Variants in FRAS1 observed in about 807,000 individuals in gnomAD.
The protein encoded by FRAS1 is extracellular matrix organizing protein FRAS1.
A neutral mutation model predicts 435.2 loss-of-function variants in FRAS1; 290 were observed. The observed-to-expected ratio is 0.67, with a 90% CI of 0.61 to 0.73. The LOEUF is 0.73. Ranked by LOEUF, FRAS1 falls within the 30% of genes least tolerant of loss-of-function variation. The pLI, the probability that FRAS1 is intolerant of heterozygous loss-of-function variation, is 0.00. For missense variants in FRAS1, 4,860 were observed against 5,001.5 expected, an observed-to-expected ratio of 0.97 and a Z score of 0.85; for synonymous variants, 1,800 against 1,851.0, an observed-to-expected ratio of 0.97 and a Z score of 0.71.
At chr4:78,226,116 A>G (rs1724258273) in intron 2 of FRAS1, among the ~76,000 whole-genome samples, 1 of 152,082 alleles carries the variant, frequency 6.6e-6, no homozygotes, top group African/African-American at 2.4e-5. Context: ...CATTGTATTT[A>G]CCTCTTCTCA....
At chr4:78,116,837 G>A (rs920918471) in intron 2 of FRAS1, among the ~76,000 whole-genome samples, 31 of 152,116 alleles carry the variant, frequency 2.0e-4, no homozygotes, top group Non-Finnish European at 4.0e-4. Flanking sequence ...TACATTTAAG[G>A]TTAATTTTGT....
intron 2 of FRAS1, among the ~76,000 whole-genome samples, chr4:78,087,993 T>G (rs1280527765): frequency 3.9e-5 from 6 of 151,918 alleles, no homozygotes; most frequent in Non-Finnish European, 7.4e-5. Context: ...AAAGAACAAA[T>G]CTGGAGGCAT....
intron 2 of FRAS1, among the ~76,000 whole-genome samples, chr4:78,072,602 C>G (rs777270783): frequency 3.9e-5 from 6 of 152,036 alleles, no homozygotes; most frequent in Non-Finnish European, 7.4e-5. Flanking sequence ...ATCAGCCATT[C>G]CTTAATTTCC....
chr4:78,325,565 G>C (rs1729686372), intron 18 of FRAS1, among the ~76,000 whole-genome samples: 1 of 152,172 alleles, frequency 6.6e-6, no homozygotes, highest in Admixed American at 6.5e-5. Flanking sequence ...GTACAAATAG[G>C]TGCCTTCTGG....
At chr4:78,116,133 A>C (rs1202443924) in intron 2 of FRAS1, among the ~76,000 whole-genome samples, 1 of 152,130 alleles carries the variant, frequency 6.6e-6, no homozygotes, top group African/African-American at 2.4e-5. Context: ...CATGTAGTTG[A>C]GCAGTTTTGA....
At chr4:78,124,814 G>A (rs1290014070) in intron 2 of FRAS1, among the ~76,000 whole-genome samples, 1 of 152,010 alleles carries the variant, frequency 6.6e-6, no homozygotes, top group Non-Finnish European at 1.5e-5. Flanking sequence ...TGGGATCGGT[G>A]GTGATATCCC....
intron 15 of FRAS1, 116 bp from the exon 16 acceptor site, chr4:78,315,478 A>G: frequency 9.1e-7 from 1 of 1,098,146 alleles, no homozygotes; most frequent in Non-Finnish European, 1.3e-6. Flanking sequence ...TTTGCTGAGC[A>G]GCCAGAAAAT....
chr4:78,418,006 C>A (rs767675964), intron 32 of FRAS1, among the ~76,000 whole-genome samples: 1 of 152,232 alleles, frequency 6.6e-6, no homozygotes, highest in Non-Finnish European at 1.5e-5. Flanking sequence ...CTGCTGTCCC[C>A]AACCCACCAC....
chr4:78,425,453 A>G (rs1733962221), intron 35 of FRAS1, among the ~76,000 whole-genome samples: 1 of 152,216 alleles, frequency 6.6e-6, no homozygotes, highest in South Asian at 2.1e-4. Flanking sequence ...CATAAATAGC[A>G]TCATTAAATT....
intron 2 of FRAS1, among the ~76,000 whole-genome samples, chr4:78,103,967 T>G (rs146806810): frequency 6.5e-4 from 99 of 152,360 alleles, no homozygotes; most frequent in African/African-American, 2.2e-3. Context: ...TAGCAGCACC[T>G]TCCTGCACTC....
chr4:78,117,377 C>A (rs1218648947), intron 2 of FRAS1, among the ~76,000 whole-genome samples: 1 of 152,138 alleles, frequency 6.6e-6, no homozygotes, highest in East Asian at 1.9e-4. Flanking sequence ...GAATGTTGGC[C>A]TGCCTTGCTA....
intron 18 of FRAS1, among the ~76,000 whole-genome samples, chr4:78,330,297 C>G (rs536463668): frequency 2.0e-5 from 3 of 152,280 alleles, no homozygotes; most frequent in Admixed American, 6.5e-5. Flanking sequence ...TCTCTTAATC[C>G]TGTCAGCTGA....
intron 2 of FRAS1, among the ~76,000 whole-genome samples, chr4:78,115,438 G>A (rs1418759420): frequency 6.6e-6 from 1 of 152,032 alleles, no homozygotes; most frequent in Non-Finnish European, 1.5e-5. Flanking sequence ...GGTAGAATTC[G>A]GCTGTGAATC....
At chr4:78,095,474 C>G (rs895576865) in intron 2 of FRAS1, among the ~76,000 whole-genome samples, 1 of 152,158 alleles carries the variant, frequency 6.6e-6, no homozygotes. Flanking sequence ...TATTGTGTCC[C>G]TCTGAGCCCC....
At position 78,286,531 on chromosome 4, in the gene FRAS1, C is replaced by G. The variant is rs887056108; in HGVS notation, c.1526C>G (p.Ser509Cys). The change falls in exon 14 of 74, where the codon TCC becomes TGC. Residue 509 changes from serine (S) to cysteine (C), a missense_variant. Physicochemically the swap from Ser to Cys is moderately radical, Grantham distance 112. Transcript: ENST00000512123. ...CGDGFYQDRHSCAVCHESCAG... is the reference protein window; with the variant it reads ...CGDGFYQDRHCCAVCHESCAG... ...GACGGCTTCTACCAAGATCGCCATTCCTGTGCAGGTAATCTCTGGCTGGGC... is the reference window on the plus strand; with the variant it reads ...GACGGCTTCTACCAAGATCGCCATTGCTGTGCAGGTAATCTCTGGCTGGGC... The G allele has an allele frequency of 2.5e-6, 4 of 1,612,252 alleles. No individual in the cohort carries two copies. The highest frequency in any genetic ancestry group is 3.4e-6 in the Non-Finnish European group (4 of 1,179,660).
At chr4:78,362,618 T>C (rs1351710104) in intron 20 of FRAS1, among the ~76,000 whole-genome samples, 1 of 152,226 alleles carries the variant, frequency 6.6e-6, no homozygotes, top group Non-Finnish European at 1.5e-5. Context: ...AAAGGGCTGG[T>C]GTGACAGCCT....
chr4:78,276,553 G>A (rs1462560579), intron 9 of FRAS1, among the ~76,000 whole-genome samples: 1 of 152,214 alleles, frequency 6.6e-6, no homozygotes, highest in Non-Finnish European at 1.5e-5. Context: ...TTCAGCTGCA[G>A]GTCTGTTGGA....
Position 78,541,496 on chromosome 4 carries a change from T to G in FRAS1, c.*372T>G. 1 of 160,826 alleles carries G rather than the reference T, an allele frequency of 6.2e-6. No homozygotes were observed. Among genetic ancestry groups the G allele is most frequent in the Non-Finnish European group, 1.4e-5 (1 of 74,036 alleles). The allele number at this position is 160,826 out of a possible 1,614,324, so 10.0% of individuals were successfully genotyped here. A position where few individuals can be genotyped will look rare whatever the true frequency, so the allele number is the denominator to read the frequency against. On this transcript the variant is annotated 3_prime_UTR_variant, in exon 74 of 74. Coordinates refer to ENST00000512123, the MANE Select transcript of FRAS1 (RefSeq NM_025074.7). ...GCAGATCTCAGAGAGAAGAAGTAGG[T>G]ACGGGCCTTTGGTTCCCTCCCCCAG...
intron 4 of FRAS1, among the ~76,000 whole-genome samples, chr4:78,247,944 C>T (rs1266275820): frequency 6.6e-6 from 1 of 152,086 alleles, no homozygotes; most frequent in South Asian, 2.1e-4. Context: ...GATACTGTCC[C>T]CGGAGAATAT....
Sources: allele counts gnomAD v4.1 joint callset (sites outside exome capture counted in the v4.1 genomes callset), GRCh38; gene constraint gnomAD v4.1.1; transcripts MANE v1.5; gene names NCBI Gene and HGNC (gene_info 2026-07-23, HGNC 2026-07-21).